Variants in CSMD3 observed in about 807,000 individuals in gnomAD.
CSMD3 encodes CUB and Sushi multiple domains 3.
Under a neutral mutation model 435.2 loss-of-function variants are expected in CSMD3, and 177 were observed. The observed-to-expected ratio is 0.41, with a 90% CI of 0.36 to 0.46. CSMD3 has a LOEUF of 0.46. CSMD3 is among the 20% of genes least tolerant of loss of function. The pLI is 0.34. For synonymous variants in CSMD3, 1,656 were observed against 1,520.5 expected (o/e 1.09, Z -2.07); for missense variants, 4,265 against 4,504.6 (o/e 0.95, Z 1.52).
chr8:112,805,693 G>A (rs564075918), intron 12 of CSMD3, among the ~76,000 whole-genome samples: 6 of 152,182 alleles, frequency 3.9e-5, no homozygotes, highest in African/African-American at 1.4e-4. Flanking sequence ...TTTTTTCTCC[G>A]ATTTATCTAT....
intron 22 of CSMD3, among the ~76,000 whole-genome samples, chr8:112,619,779 A>T (rs1344691877): frequency 6.7e-6 from 1 of 148,232 alleles, no homozygotes; most frequent in African/African-American, 2.5e-5. Context: ...TTTCATTATC[A>T]TACAAACATG....
intron 8 of CSMD3, among the ~76,000 whole-genome samples, chr8:112,951,476 C>T (rs914652934): frequency 3.3e-5 from 5 of 151,740 alleles, no homozygotes; most frequent in African/African-American, 1.2e-4. Flanking sequence ...TGTCACTTTT[C>T]TCAGATTTTT....
chr8:113,414,968 C>CA (rs1211600745), intron 1 of CSMD3, among the ~76,000 whole-genome samples: 6 of 151,720 alleles, frequency 4.0e-5, no homozygotes, highest in Non-Finnish European at 7.4e-5. Context: ...TGTAAAAAAA[C>CA]AAAAAACGAA....
At chr8:112,365,392 T>A (rs79498528) in intron 38 of CSMD3, among the ~76,000 whole-genome samples, 1 of 150,692 alleles carries the variant, frequency 6.6e-6, no homozygotes, top group Non-Finnish European at 1.5e-5. Flanking sequence ...AAGACACAAA[T>A]TGAGAAATTT....
At chr8:112,406,128 T>A (rs1285921980) in intron 35 of CSMD3, among the ~76,000 whole-genome samples, 1 of 151,554 alleles carries the variant, frequency 6.6e-6, no homozygotes. Flanking sequence ...GTAAAAAAAA[T>A]CTCATGTACT....
At chr8:112,624,071 T>C (rs966664066) in intron 22 of CSMD3, among the ~76,000 whole-genome samples, 1 of 152,018 alleles carries the variant, frequency 6.6e-6, no homozygotes, top group African/African-American at 2.4e-5. Context: ...TATTAAAAGT[T>C]TTTTGAAAAT....
chr8:112,826,509 A>G (rs2079685125), intron 12 of CSMD3, among the ~76,000 whole-genome samples: 1 of 152,096 alleles, frequency 6.6e-6, no homozygotes, highest in Admixed American at 6.6e-5. Flanking sequence ...TTCCATGTAA[A>G]AAACATGGTT....
chr8:113,354,966 T>C (rs2094212214), intron 1 of CSMD3, among the ~76,000 whole-genome samples: 1 of 152,132 alleles, frequency 6.6e-6, no homozygotes, highest in Non-Finnish European at 1.5e-5. Context: ...ATAGTCCCCA[T>C]TTTACTCTCA....
chr8:113,349,613 C>T (rs2094175906), intron 1 of CSMD3, among the ~76,000 whole-genome samples: 1 of 151,974 alleles, frequency 6.6e-6, no homozygotes, highest in African/African-American at 2.4e-5. Context: ...GAGAACCCAT[C>T]TCTTTTTAAA....
At chr8:113,360,763 C>T (rs911060851) in intron 1 of CSMD3, among the ~76,000 whole-genome samples, 30 of 151,506 alleles carry the variant, frequency 2.0e-4, no homozygotes, top group African/African-American at 7.0e-4. Flanking sequence ...TTAGTAGAGA[C>T]GGGGTTTCAC....
chr8:113,361,606 AAGTT>A (rs1345359268), intron 1 of CSMD3, among the ~76,000 whole-genome samples: 1 of 152,110 alleles, frequency 6.6e-6, no homozygotes, highest in African/African-American at 2.4e-5. Flanking sequence ...ATATCATAAA[AAGTT>A]AGATAAGCCA....
At chr8:112,238,572 T>G (rs1174749099) in intron 66 of CSMD3, among the ~76,000 whole-genome samples, 2 of 152,034 alleles carry the variant, frequency 1.3e-5, no homozygotes, top group Non-Finnish European at 2.9e-5. Flanking sequence ...AGTAATGTAA[T>G]CACTGTGTCT....
rs117396453 is a variant in CSMD3, at chr8:113,364,957, T to C, written c.179-50164A>G. On this transcript the variant is annotated intron_variant, in intron 1 of 70. Transcript: ENST00000297405. ...TGTTATATTCATTTTAAAGTGAGAA[T>C]GTATAGTACACCAGATTGATCAAAC... Among the ~76,000 whole-genome samples the C allele has an allele frequency of 9.6e-3, 1,466 of 152,196 alleles. 18 individuals carry two copies. Among genetic ancestry groups the C allele is most frequent in the African/African-American group, 0.018 (761 of 41,556 alleles).
intron 3 of CSMD3, among the ~76,000 whole-genome samples, chr8:113,236,019 C>T (rs1387524517): frequency 1.3e-5 from 2 of 152,082 alleles, no homozygotes; most frequent in Non-Finnish European, 2.9e-5. Flanking sequence ...CTACAAATTC[C>T]AACATTTGGG....
chr8:112,796,950 C>G (rs1193838614), intron 13 of CSMD3, among the ~76,000 whole-genome samples: 1 of 151,926 alleles, frequency 6.6e-6, no homozygotes, highest in African/African-American at 2.4e-5. Flanking sequence ...CTGTCATGAA[C>G]AGAAACACGA....
chr8:112,964,777 G>A (rs774392757), intron 7 of CSMD3, among the ~76,000 whole-genome samples: 3 of 151,666 alleles, frequency 2.0e-5, no homozygotes, highest in Non-Finnish European at 4.4e-5. Flanking sequence ...AAATACAATT[G>A]GAAGAATAAT....
chr8:113,249,024 G>A (rs1425598866), intron 3 of CSMD3, among the ~76,000 whole-genome samples: 1 of 152,026 alleles, frequency 6.6e-6, no homozygotes, highest in African/African-American at 2.4e-5. Flanking sequence ...GGTAGGACCA[G>A]ATAGACATAA....
chr8:113,186,115 C>T (rs2092496913), intron 3 of CSMD3, among the ~76,000 whole-genome samples: 1 of 151,984 alleles, frequency 6.6e-6, no homozygotes, highest in African/African-American at 2.4e-5. Flanking sequence ...GGGATATTTG[C>T]TTGTCAATTC....
intron 3 of CSMD3, among the ~76,000 whole-genome samples, chr8:113,277,640 T>G (rs2093581893): frequency 6.6e-6 from 1 of 151,946 alleles, no homozygotes; most frequent in African/African-American, 2.4e-5. Flanking sequence ...GCTACGGTAT[T>G]TATGTATCTC....
Sources: allele counts gnomAD v4.1 joint callset (sites outside exome capture counted in the v4.1 genomes callset), GRCh38; gene constraint gnomAD v4.1.1; transcripts MANE v1.5; gene names NCBI Gene and HGNC (gene_info 2026-07-23, HGNC 2026-07-21).